The following YAF2 variants were observed in gnomAD, a reference collection of about 807,000 sequenced individuals.
YAF2 encodes YY1-associated factor 2.
In YAF2, 7 loss-of-function variants were observed where a neutral mutation model predicts 20.1. That is an observed-to-expected ratio of 0.35 (90% CI 0.20 to 0.65). The LOEUF is 0.65. Ranked by LOEUF, YAF2 falls within the 30% of genes least tolerant of loss-of-function variation. The pLI is 0.69. For missense variants in YAF2, 151 were observed against 219.2 expected (o/e 0.69, Z 1.96); for synonymous variants, 74 against 76.0 (o/e 0.97, Z 0.14).
intron 2 of YAF2, among the ~76,000 whole-genome samples, chr12:42,198,525 G>T (rs1252482739): frequency 6.6e-6 from 1 of 152,218 alleles, no homozygotes; most frequent in Non-Finnish European, 1.5e-5. Context: ...AGCGCAGGTT[G>T]CAGTGAGCTG....
chr12:42,185,599 A>G (rs772178716), intron 2 of YAF2, among the ~76,000 whole-genome samples: 4 of 152,196 alleles, frequency 2.6e-5, no homozygotes, highest in African/African-American at 7.2e-5. Context: ...ACAATCACCA[A>G]CATGATCACT....
intron 2 of YAF2, chr12:42,235,686 A>G: frequency 2.0e-6 from 3 of 1,530,472 alleles, no homozygotes; most frequent in African/African-American, 2.8e-5. Flanking sequence ...CCAAATGACA[A>G]TGCTTCTCTG....
intron 2 of YAF2, among the ~76,000 whole-genome samples, chr12:42,214,794 A>T (rs1269695812): frequency 6.6e-6 from 1 of 150,814 alleles, no homozygotes; most frequent in Admixed American, 6.6e-5. Context: ...ACTTGAGGTC[A>T]AGAGTTCGAG....
chr12:42,219,810 G>GT (rs1279628780), intron 2 of YAF2, among the ~76,000 whole-genome samples: 1 of 152,220 alleles, frequency 6.6e-6, no homozygotes, highest in Non-Finnish European at 1.5e-5. Context: ...TTCTGATTCA[G>GT]TAAGTCCTCA....
intron 2 of YAF2, among the ~76,000 whole-genome samples, chr12:42,193,696 G>A (rs533228924): frequency 1.1e-4 from 17 of 152,172 alleles, no homozygotes; most frequent in South Asian, 1.0e-3. Flanking sequence ...TGGAGACAGG[G>A]TTTTGCCCTG....
chr12:42,157,651 TTGTC>T lies in YAF2; in HGVS notation c.*2934_*2937del, dbSNP rs1408823867. The T allele has an allele frequency of 9.8e-5, 15 of 152,344 alleles. No individual in the cohort carries two copies. Among genetic ancestry groups the T allele is most frequent in the African/African-American group, 2.9e-4 (12 of 41,588 alleles). The allele number at this position is 152,344 out of a possible 1,614,324, so 9.4% of individuals were successfully genotyped here. On this transcript the variant is annotated 3_prime_UTR_variant, in exon 4 of 4. Coordinates refer to ENST00000534854, the MANE Select transcript of YAF2 (RefSeq NM_005748.6). ...CTCTTCCTTTTTAAATGTTTTCACT[TTGTC>T]TATTATCCACTATCATTTTAGGAAA...
At chr12:42,161,868 C>CTTGT in intron 2 of YAF2, 103 bp from the exon 3 acceptor site, 1 of 1,064,934 alleles carries the variant, frequency 9.4e-7, no homozygotes, top group Non-Finnish European at 1.3e-6. Context: ...ATAACAATAA[C>CTTGT]TTTCAAGTAT....
intron 1 of YAF2, 93 bp downstream of exon 1, chr12:42,238,062 G>C: frequency 8.7e-7 from 1 of 1,145,830 alleles, no homozygotes; most frequent in Non-Finnish European, 1.1e-6. Flanking sequence ...GCTCGCCCCG[G>C]TGCCCGGGCG....
chr12:42,187,024 C>T (rs2066492636), intron 2 of YAF2, among the ~76,000 whole-genome samples: 1 of 152,138 alleles, frequency 6.6e-6, no homozygotes, highest in South Asian at 2.1e-4. Context: ...ATATATAGTT[C>T]AAGCTCATGA....
chr12:42,220,362 C>A (rs2067477801), intron 2 of YAF2, among the ~76,000 whole-genome samples: 1 of 152,014 alleles, frequency 6.6e-6, no homozygotes, highest in South Asian at 2.1e-4. Context: ...TCCCCCACAC[C>A]CAGATTCTTT....
chr12:42,225,364 A>C (rs544688794), intron 2 of YAF2, among the ~76,000 whole-genome samples: 1 of 152,258 alleles, frequency 6.6e-6, no homozygotes, highest in East Asian at 1.9e-4. Context: ...TCTTTAGTTC[A>C]ATTAGATCTC....
chr12:42,228,425 T>G (rs1316317399), intron 2 of YAF2, among the ~76,000 whole-genome samples: 4 of 20,902 alleles, frequency 1.9e-4, no homozygotes, highest in Admixed American at 4.7e-4. Context: ...GGGAGGGAGG[T>G]GGGGGGGTCA....
At chr12:42,190,732 G>T (rs2066592144) in intron 2 of YAF2, among the ~76,000 whole-genome samples, 1 of 151,912 alleles carries the variant, frequency 6.6e-6, no homozygotes, top group South Asian at 2.1e-4. Context: ...AGTATCTTTA[G>T]ACCTTTGACT....
intron 2 of YAF2, among the ~76,000 whole-genome samples, chr12:42,203,304 C>T (rs985116200): frequency 1.4e-4 from 21 of 152,108 alleles, no homozygotes; most frequent in Non-Finnish European, 2.9e-4. Flanking sequence ...AGTTTGAATG[C>T]TGACCTTGTA....
At position 42,238,188 on chromosome 12, in the gene YAF2, C is replaced by A; in HGVS notation, c.-8G>T. 6.6e-7 allele frequency: 1 copy of A among 1,524,016 alleles called. No individual in the cohort carries two copies. The highest frequency in any genetic ancestry group is 2.7e-5 in the East Asian group (1 of 36,490). 94.4% of individuals were successfully genotyped at this position (1,524,016 alleles called of 1,614,324 possible). A position where few individuals can be genotyped will look rare whatever the true frequency, so the allele number is the denominator to read the frequency against. On this transcript the variant is annotated 5_prime_UTR_variant, in exon 1 of 4. Coordinates refer to ENST00000534854, the MANE Select transcript of YAF2 (RefSeq NM_005748.6). ...GCTCTTCTTGTCTCCCATGGCTTGG[C>A]TATCACCGCACGCCGAGAGTCGCCG...
chr12:42,166,954 C>T (rs978822048), intron 2 of YAF2, among the ~76,000 whole-genome samples: 1 of 151,586 alleles, frequency 6.6e-6, no homozygotes. Flanking sequence ...GATGATGCCA[C>T]CATTTTTCTG....
chr12:42,226,527 A>C lies in YAF2; in HGVS notation c.152+11072T>G, dbSNP rs568963343. 2.0e-5 allele frequency among the ~76,000 whole-genome samples: 3 copies of C among 152,214 alleles called. No homozygotes were observed. The East Asian group carries it at 5.8e-4, about 29-fold the overall frequency. ...AAAAATTTAAAAATTAGCCAGACAT[A>C]GTGGCACACCCCTGTAGTCCCAGCT... is the stretch of plus-strand genomic sequence containing the variant. On this transcript the variant is annotated intron_variant, in intron 2 of 3. Transcript: ENST00000534854.
At chr12:42,191,597 C>G (rs12298117) in intron 2 of YAF2, among the ~76,000 whole-genome samples, 2,282 of 152,132 alleles carry the variant, frequency 0.015, 54 homozygotes, top group African/African-American at 0.052. Flanking sequence ...TGAATTTTTC[C>G]TTGTTTTCCT....
intron 2 of YAF2, among the ~76,000 whole-genome samples, chr12:42,175,740 C>CAAAAAAAAAAAAAAAAAAAAAAA (rs59476115): frequency 3.6e-4 from 16 of 45,006 alleles, no homozygotes; most frequent in Admixed American, 9.9e-4. Flanking sequence ...GACTCTGTCT[C>CAAAAAAAAAAAAAAAAAAAAAAA]AAAAAAAAAA....
Sources: allele counts gnomAD v4.1 joint callset (sites outside exome capture counted in the v4.1 genomes callset), GRCh38; gene constraint gnomAD v4.1.1; transcripts MANE v1.5; gene names NCBI Gene and HGNC (gene_info 2026-07-23, HGNC 2026-07-21).